The following TRMT11 variants were observed in gnomAD, a reference collection of about 807,000 sequenced individuals.
TRMT11 encodes the protein tRNA methyltransferase 11, also known as tRNA (guanine(10)-N(2))-methyltransferase TRMT11.
In TRMT11, 53 loss-of-function variants were observed where a neutral mutation model predicts 62.8. The ratio of observed to expected loss-of-function variants is 0.84; its 90% CI spans 0.68 to 1.06. TRMT11 has a LOEUF of 1.06. Among genes scored for constraint, TRMT11 ranks in the 50% least tolerant of loss-of-function variants. The pLI is 0.00. For missense variants in TRMT11, 556 were observed against 553.4 expected (o/e 1.00, Z -0.05); for synonymous variants, 188 against 190.3 (o/e 0.99, Z 0.10).
chr6:126,114,039 G>A (rs900931331), intron 18 of TRMT11, among the ~76,000 whole-genome samples: 14 of 152,034 alleles, frequency 9.2e-5, no homozygotes, highest in African/African-American at 3.4e-4. Context: ...GTTGTAACTA[G>A]CACATTCAAA....
chr6:126,237,065 T>TAGAGAGAGAG, the TRMT11 span, among the ~76,000 whole-genome samples: 3 of 142,466 alleles, frequency 2.1e-5, no homozygotes, highest in South Asian at 2.3e-4. Flanking sequence ...CTCCTAGAGA[T>TAGAGAGAGAG]AGAGAGAGAG....
At chr6:126,136,662 T>C (rs544567749) in intron 21 of TRMT11, among the ~76,000 whole-genome samples, 2 of 151,712 alleles carry the variant, frequency 1.3e-5, no homozygotes, top group South Asian at 4.2e-4. Flanking sequence ...TTACAAAAGA[T>C]CTGGCACAGC....
At chr6:126,033,347 A>C (rs1014682215) in intron 12 of TRMT11, among the ~76,000 whole-genome samples, 2 of 152,154 alleles carry the variant, frequency 1.3e-5, no homozygotes, top group African/African-American at 4.8e-5. Flanking sequence ...TATTTTCTTG[A>C]GAATGAATTC....
intron 21 of TRMT11, among the ~76,000 whole-genome samples, chr6:126,169,325 A>G (rs1481392691): frequency 6.6e-6 from 1 of 152,140 alleles, no homozygotes; most frequent in East Asian, 1.9e-4. Context: ...GATGTTTTGG[A>G]ATTGGAAATG....
intron 1 of TRMT11, among the ~76,000 whole-genome samples, chr6:126,192,963 T>C (rs1778620468): frequency 1.3e-5 from 2 of 152,216 alleles, no homozygotes; most frequent in African/African-American, 4.8e-5. Context: ...TTGTGAGTAT[T>C]CCCTCCTCTT....
At chr6:125,991,638 T>A (rs1790650093) in intron 1 of TRMT11, among the ~76,000 whole-genome samples, 1 of 152,050 alleles carries the variant, frequency 6.6e-6, no homozygotes, top group Non-Finnish European at 1.5e-5. Flanking sequence ...ATATAGAATC[T>A]CTTCTGGGAA....
At chr6:126,092,227 ATTAG>A (rs1254648894) in intron 17 of TRMT11, among the ~76,000 whole-genome samples, 1 of 152,156 alleles carries the variant, frequency 6.6e-6, no homozygotes, top group Non-Finnish European at 1.5e-5. Context: ...CACCTGGTGT[ATTAG>A]TTCATTTTCA....
the TRMT11 span, among the ~76,000 whole-genome samples, chr6:126,242,638 C>G: frequency 6.6e-6 from 1 of 152,156 alleles, no homozygotes; most frequent in Non-Finnish European, 1.5e-5. Context: ...CACACATCTA[C>G]AACTATCTGA....
the TRMT11 span, among the ~76,000 whole-genome samples, chr6:126,232,148 T>TTGTG: frequency 7.3e-5 from 11 of 150,114 alleles, no homozygotes; most frequent in East Asian, 3.9e-4. Context: ...ACATTTGTGT[T>TTGTG]TGTGTGTGTG....
intron 1 of TRMT11, among the ~76,000 whole-genome samples, chr6:125,989,896 T>C (rs995920641): frequency 2.0e-5 from 3 of 152,220 alleles, no homozygotes; most frequent in African/African-American, 7.2e-5. Context: ...TCACCTTTGC[T>C]CTCTGTGCTC....
chr6:126,136,336 CAT>C (rs1277265140), intron 21 of TRMT11, among the ~76,000 whole-genome samples: 2 of 151,408 alleles, frequency 1.3e-5, no homozygotes, highest in Admixed American at 1.3e-4. Flanking sequence ...ATACAAATAA[CAT>C]ATAAACATCA....
chr6:126,179,124 C>A (rs1201028841), intron 1 of TRMT11, among the ~76,000 whole-genome samples: 2 of 152,132 alleles, frequency 1.3e-5, no homozygotes, highest in Non-Finnish European at 2.9e-5. Flanking sequence ...GTATACTATA[C>A]CTCCCAAACT....
At chr6:126,246,757 T>A in the TRMT11 span, among the ~76,000 whole-genome samples, 1 of 152,094 alleles carries the variant, frequency 6.6e-6, no homozygotes, top group African/African-American at 2.4e-5. Context: ...GGTGACAGAT[T>A]GAAAATACAT....
At chr6:126,028,378 A>G (rs116945247) in intron 12 of TRMT11, among the ~76,000 whole-genome samples, 17 of 152,306 alleles carry the variant, frequency 1.1e-4, no homozygotes, top group South Asian at 4.1e-4. Flanking sequence ...ATTTATCACC[A>G]TCAAAGTTCA....
intron 21 of TRMT11, among the ~76,000 whole-genome samples, chr6:126,158,769 T>C (rs1454137513): frequency 6.6e-6 from 1 of 152,202 alleles, no homozygotes; most frequent in Admixed American, 6.5e-5. Context: ...TGTGGCTCTA[T>C]CTCCCACCTG....
At chr6:126,007,214 C>A (rs528138950) in intron 7 of TRMT11, among the ~76,000 whole-genome samples, 1 of 152,020 alleles carries the variant, frequency 6.6e-6, no homozygotes, top group South Asian at 2.1e-4. Flanking sequence ...CTAAAAAGAA[C>A]TAGTCAGTTA....
intron 1 of TRMT11, among the ~76,000 whole-genome samples, chr6:126,194,547 A>T (rs1778642449): frequency 6.6e-6 from 1 of 152,198 alleles, no homozygotes; most frequent in Non-Finnish European, 1.5e-5. Context: ...CTTAGAATGG[A>T]CTACCAAACT....
At chr6:126,133,310 A>G (rs1235117861) in intron 21 of TRMT11, among the ~76,000 whole-genome samples, 1 of 152,054 alleles carries the variant, frequency 6.6e-6, no homozygotes, top group East Asian at 1.9e-4. Flanking sequence ...CTTATTTCCC[A>G]AAATACCATC....
intron 11 of TRMT11, among the ~76,000 whole-genome samples, chr6:126,016,873 C>A (rs1795061503): frequency 6.6e-6 from 1 of 152,108 alleles, no homozygotes; most frequent in Non-Finnish European, 1.5e-5. Flanking sequence ...TGTGTCTTCT[C>A]TCTTTAAGCC....
Sources: allele counts gnomAD v4.1 joint callset (sites outside exome capture counted in the v4.1 genomes callset), GRCh38; gene constraint gnomAD v4.1.1; transcripts MANE v1.5; gene names NCBI Gene and HGNC (gene_info 2026-07-23, HGNC 2026-07-21).